The following HTR3B variants were observed in gnomAD, a reference collection of about 807,000 sequenced individuals.
HTR3B encodes the protein 5-hydroxytryptamine (serotonin) receptor 3B, ionotropic.
HTR3B carries 44 observed loss-of-function variants against 42.8 expected under a neutral mutation model. The observed-to-expected ratio is 1.03, with a 90% CI of 0.81 to 1.32. The LOEUF (loss-of-function observed/expected upper bound fraction) is 1.32. HTR3B is among the 40% of genes most tolerant of loss of function. The pLI, the probability that HTR3B is intolerant of heterozygous loss-of-function variation, is 0.00. For missense variants in HTR3B, 527 were observed against 536.5 expected (o/e 0.98, Z 0.17); for synonymous variants, 203 against 209.0 (o/e 0.97, Z 0.25).
intron 2 of HTR3B, among the ~76,000 whole-genome samples, chr11:113,926,448 TTTTCCTTTCCTTTCCTTTCTTTTCC>T (rs1949973118): frequency 5.9e-5 from 8 of 135,248 alleles, no homozygotes; most frequent in South Asian, 2.5e-4. Context: ...ATCAGACTGC[TTTTCCTTTCCTTTCCTTTCTTTTCC>T]TTTCCTTTCC....
At chr11:113,925,481 T>C (rs2137511379) in intron 2 of HTR3B, among the ~76,000 whole-genome samples, 1 of 145,648 alleles carries the variant, frequency 6.9e-6, no homozygotes, top group Non-Finnish European at 1.5e-5. Flanking sequence ...TGGAGTGCAG[T>C]GGCGCCATCT....
At chr11:113,937,916 T>C (rs1950103868) in intron 6 of HTR3B, among the ~76,000 whole-genome samples, 1 of 152,198 alleles carries the variant, frequency 6.6e-6, no homozygotes, top group African/African-American at 2.4e-5. Context: ...AAATCAAGAC[T>C]TGGGCAGGGT....
In HTR3B at chr11:113,948,007, T is replaced by G. The variant is rs1950192470; in HGVS notation, c.*1870T>G. Among the ~76,000 whole-genome samples, 2 of 151,950 alleles carry G rather than the reference T, an allele frequency of 1.3e-5. No homozygotes were observed. Among genetic ancestry groups the G allele is most frequent in the Non-Finnish European group, 2.9e-5 (2 of 68,016 alleles). On this transcript the variant is annotated 3_prime_UTR_variant, in exon 9 of 9. Coordinates refer to ENST00000260191, the MANE Select transcript of HTR3B (RefSeq NM_006028.5). ...TCCATCCCCCCAAAGAAAAAGAATT[T>G]AAATTCAAACAGCCTTTACCTGCAT... is the stretch of plus-strand genomic sequence containing the variant.
At chr11:113,945,785 A>C in intron 8 of HTR3B, 117 bp from the exon 9 acceptor site, 1 of 718,438 alleles carries the variant, frequency 1.4e-6, no homozygotes, top group Non-Finnish European at 2.4e-6. Context: ...AACACAACCC[A>C]CTGCTCAGTT....
At chr11:113,936,532 G>A (rs999363898) in intron 6 of HTR3B, among the ~76,000 whole-genome samples, 5 of 152,068 alleles carry the variant, frequency 3.3e-5, no homozygotes, top group African/African-American at 1.2e-4. Context: ...CCCTCTAAGT[G>A]CTAGCAGATC....
rs1051385506 is a variant in HTR3B at position 113,947,680 on chromosome 11, C to A, written c.*1543C>A. ...TTGGTTTAGGGTCCATCCTAGTGAC[C>A]TCTTTTAACCTTAATCACTTTTTTC... On this transcript the variant is annotated 3_prime_UTR_variant, in exon 9 of 9. Transcript: ENST00000260191. 1.3e-5 allele frequency among the ~76,000 whole-genome samples: 2 copies of A among 152,132 alleles called. No homozygotes were observed. Among genetic ancestry groups the A allele is most frequent in the South Asian group, 4.1e-4 (2 of 4,826 alleles).
At position 113,922,850 on chromosome 11, in the gene HTR3B, C is replaced by T. The variant is rs542780609; in HGVS notation, c.214-8534C>T. On this transcript the variant is annotated intron_variant, in intron 2 of 8. Coordinates refer to ENST00000260191, the MANE Select transcript of HTR3B (RefSeq NM_006028.5). ...GATTATAGGCGTGAGCTACCGCGCC[C>T]GGCAAGTCTGTGTATTTCTTAATGC... Among the ~76,000 whole-genome samples the T allele has an allele frequency of 1.9e-3, 292 of 152,278 alleles. 1 individual carries two copies. The highest frequency in any genetic ancestry group is 3.1e-3 in the Non-Finnish European group (212 of 68,012).
chr11:113,902,800 C>T (rs1404013770), upstream of HTR3B, among the ~76,000 whole-genome samples: 1 of 152,160 alleles, frequency 6.6e-6, no homozygotes, highest in African/African-American at 2.4e-5. Flanking sequence ...AGATATTGTG[C>T]TTGTGTCTCT....
chr11:113,936,507 A>G (rs112247609), intron 6 of HTR3B, among the ~76,000 whole-genome samples: 1 of 152,128 alleles, frequency 6.6e-6, no homozygotes, highest in East Asian at 1.9e-4. Flanking sequence ...TATAAACTTG[A>G]TAGAAAATCA....
At chr11:113,911,924 A>T (rs1192327292) in intron 2 of HTR3B, among the ~76,000 whole-genome samples, 2 of 152,092 alleles carry the variant, frequency 1.3e-5, no homozygotes, top group African/African-American at 4.8e-5. Context: ...CACAGAGACA[A>T]ATACTCTTCT....
chr11:113,918,863 A>G (rs1565558949), intron 2 of HTR3B, among the ~76,000 whole-genome samples: 1 of 151,728 alleles, frequency 6.6e-6, no homozygotes, highest in Non-Finnish European at 1.5e-5. Context: ...CACCATGTTG[A>G]CCAGTCTGGT....
chr11:113,933,509 C>T (rs1950058808), intron 6 of HTR3B, among the ~76,000 whole-genome samples: 1 of 151,962 alleles, frequency 6.6e-6, no homozygotes, highest in African/African-American at 2.4e-5. Flanking sequence ...AGTAAATTAT[C>T]AACTAATTCC....
chr11:113,921,589 A>G (rs1230568975), intron 2 of HTR3B, among the ~76,000 whole-genome samples: 1 of 151,726 alleles, frequency 6.6e-6, no homozygotes, highest in African/African-American at 2.4e-5. Flanking sequence ...ACTGCACTCC[A>G]ACTTGGCGAC....
chr11:113,922,654 C>G (rs961762874), intron 2 of HTR3B, among the ~76,000 whole-genome samples: 1 of 152,122 alleles, frequency 6.6e-6, no homozygotes, highest in African/African-American at 2.4e-5. Context: ...CTCCTCGGTT[C>G]ACGCCATTCT....
chr11:113,905,199 T>A (rs1045016972), intron 1 of HTR3B, among the ~76,000 whole-genome samples: 1 of 152,246 alleles, frequency 6.6e-6, no homozygotes, highest in Admixed American at 6.5e-5. Context: ...AGCATCAGAC[T>A]GTGGGGCTTT....
At chr11:113,903,434 T>C (rs1437476383), upstream of HTR3B, among the ~76,000 whole-genome samples, 21 of 148,352 alleles carry the variant, frequency 1.4e-4, no homozygotes, top group South Asian at 8.6e-4. Context: ...TTTTCTTTTT[T>C]TTTTTTTTTT....
intron 6 of HTR3B, among the ~76,000 whole-genome samples, chr11:113,939,192 T>A (rs1321929415): frequency 6.6e-6 from 1 of 152,182 alleles, no homozygotes; most frequent in East Asian, 1.9e-4. Context: ...TGCGATTCTA[T>A]AAGCCAAACA....
intron 1 of HTR3B, among the ~76,000 whole-genome samples, chr11:113,906,686 C>G (rs1031526223): frequency 1.3e-5 from 2 of 152,084 alleles, no homozygotes; most frequent in Non-Finnish European, 2.9e-5. Context: ...GCTTGGACTT[C>G]GAATCCAGAC....
At chr11:113,914,043 AT>A (rs1281341103) in intron 2 of HTR3B, among the ~76,000 whole-genome samples, 1,713 of 140,518 alleles carry the variant, frequency 0.012, 25 homozygotes, top group African/African-American at 0.04. Context: ...TGAAAAATAT[AT>A]TTTTTTTTTT....
Sources: gnomAD v4.1 joint callset for allele counts (sites outside exome capture counted in the v4.1 genomes callset) on GRCh38, gnomAD v4.1.1 for gene constraint, MANE v1.5 for transcripts, NCBI Gene and HGNC (gene_info 2026-07-23, HGNC 2026-07-21) for gene names.